The following CTPS2 variants were observed in gnomAD, a reference collection of about 807,000 sequenced individuals.
CTPS2 encodes CTP synthase II.
CTPS2 carries 19 observed loss-of-function variants against 46.8 expected under a neutral mutation model. The ratio of observed to expected loss-of-function variants is 0.41; its 90% CI spans 0.28 to 0.60. The LOEUF (loss-of-function observed/expected upper bound fraction) is 0.60. CTPS2 is among the 20% of genes least tolerant of loss of function. The pLI is 0.35. For missense variants in CTPS2, 286 were observed against 447.6 expected, an observed-to-expected ratio of 0.64 and a Z score of 3.26; for synonymous variants, 151 against 165.2, an observed-to-expected ratio of 0.91 and a Z score of 0.66.
chrX:16,639,497 T>C (rs1156341546), intron 13 of CTPS2, among the ~76,000 whole-genome samples: 1 of 110,723 alleles, frequency 9.0e-6, no homozygotes, highest in Non-Finnish European at 1.9e-5. Flanking sequence ...ATCTTGATGA[T>C]GTCCCTCCTG....
chrX:16,702,675 A>G, intron 2 of CTPS2, 62 bp downstream of exon 2: 1 of 1,057,687 alleles, frequency 9.5e-7, no homozygotes, highest in Non-Finnish European at 1.3e-6. Flanking sequence ...AAATTACCCA[A>G]AATGGAAGAA....
At chrX:16,685,935 T>A (rs1196263445) in intron 8 of CTPS2, among the ~76,000 whole-genome samples, 1 of 107,511 alleles carries the variant, frequency 9.3e-6, no homozygotes, top group Non-Finnish European at 1.9e-5. Context: ...CACCTTGACT[T>A]CGGGTCCCAG....
At chrX:16,705,695 C>G (rs2147389788) in intron 1 of CTPS2, among the ~76,000 whole-genome samples, 1 of 111,324 alleles carries the variant, frequency 9.0e-6, no homozygotes, top group African/African-American at 3.3e-5. Context: ...AGGAGGGTCA[C>G]TTGAGGCCAG....
At chrX:16,641,617 TC>T (rs1932083883) in intron 13 of CTPS2, among the ~76,000 whole-genome samples, 1 of 111,863 alleles carries the variant, frequency 8.9e-6, no homozygotes, top group African/African-American at 3.3e-5. Flanking sequence ...CAGGCTGCAG[TC>T]CCAGCTATTC....
intron 6 of CTPS2, among the ~76,000 whole-genome samples, chrX:16,692,514 T>C (rs1171997290): frequency 1.8e-5 from 2 of 110,986 alleles, no homozygotes; most frequent in Admixed American, 1.9e-4. Context: ...TTATCATTGA[T>C]AGCAGGGTCA....
At chrX:16,597,574 C>T (rs908605336) in intron 17 of CTPS2, among the ~76,000 whole-genome samples, 5 of 111,661 alleles carry the variant, frequency 4.5e-5, no homozygotes, top group African/African-American at 1.6e-4. Context: ...GGTACCAGTA[C>T]CATGTTGTTT....
At chrX:16,695,013 A>G (rs758697223) in intron 4 of CTPS2, among the ~76,000 whole-genome samples, 4 of 110,368 alleles carry the variant, frequency 3.6e-5, no homozygotes, top group Non-Finnish European at 5.7e-5. Context: ...AACAACAACA[A>G]CAACAACAAC....
chrX:16,663,474 A>G (rs1296781238), intron 13 of CTPS2, among the ~76,000 whole-genome samples: 1 of 111,541 alleles, frequency 9.0e-6, no homozygotes, highest in African/African-American at 3.3e-5. Context: ...CGCAATACAT[A>G]TTCATATGTG....
chrX:16,650,963 C>T (rs1298470075), intron 13 of CTPS2: 1 of 1,165,522 alleles, frequency 8.6e-7, no homozygotes, highest in African/African-American at 1.8e-5. Flanking sequence ...TGTACTTCAG[C>T]TTTTTGGTAA....
chrX:16,610,096 T>C (rs992659633), intron 16 of CTPS2, among the ~76,000 whole-genome samples: 1 of 111,421 alleles, frequency 9.0e-6, no homozygotes, highest in African/African-American at 3.3e-5. Context: ...CCAGGGTAAG[T>C]GTCCCCTGGG....
At chrX:16,620,170 G>A in intron 15 of CTPS2, 107 bp downstream of exon 15, 1 of 675,161 alleles carries the variant, frequency 1.5e-6, no homozygotes, top group South Asian at 2.7e-5. Flanking sequence ...TCTGAGCCCT[G>A]TGAATACCAC....
At chrX:16,647,186 T>G (rs762802447) in intron 13 of CTPS2, among the ~76,000 whole-genome samples, 1 of 110,256 alleles carries the variant, frequency 9.1e-6, no homozygotes, top group East Asian at 2.8e-4. Flanking sequence ...CAGGCTGTTT[T>G]TCAAGTTCAA....
intron 10 of CTPS2, among the ~76,000 whole-genome samples, chrX:16,674,185 C>T (rs761019888): frequency 9.5e-4 from 102 of 107,519 alleles, no homozygotes; most frequent in African/African-American, 1.5e-3. Context: ...TGTCTTCAGA[C>T]GAAGTTTCAC....
intron 7 of CTPS2, 95 bp downstream of exon 7, chrX:16,691,445 T>A (rs975711602): frequency 4.1e-6 from 3 of 726,384 alleles, no homozygotes; most frequent in Admixed American, 4.8e-5. Context: ...CTTGCATAAA[T>A]GCCGTGAAAA....
rs766368361 is a variant in CTPS2 at position 16,639,097 on chromosome X, A to T, written c.1393+50T>A. ...CCCAGAGTGCTGGGCACCTGCAGTC[A>T]CATGAGCCACATCCAACATCTTGTA... is the stretch of plus-strand genomic sequence containing the variant. On this transcript the variant is annotated intron_variant, in intron 14 of 18. Coordinates refer to ENST00000359276, the MANE Select transcript of CTPS2 (RefSeq NM_175859.3). 3.0e-4 allele frequency: 300 copies of T among 1,005,004 alleles called. 1 individual carries two copies. In the Middle Eastern group the frequency reaches 0.015, roughly 51 times the overall value. The allele number at this position is 1,005,004 out of a possible 1,213,427, so 82.8% of individuals were successfully genotyped here.
chrX:16,689,818 G>A (rs1043915093), intron 7 of CTPS2, among the ~76,000 whole-genome samples: 2 of 111,653 alleles, frequency 1.8e-5, no homozygotes, highest in South Asian at 3.7e-4. Flanking sequence ...ATGGGAGGCC[G>A]AGGCGGGCAG....
chrX:16,652,745 GT>G (rs201816848), intron 13 of CTPS2, among the ~76,000 whole-genome samples: 2,625 of 111,600 alleles, frequency 0.024, 86 homozygotes, highest in African/African-American at 0.082. Context: ...CTAATGGTAA[GT>G]TCTGAAAGTC....
intron 10 of CTPS2, among the ~76,000 whole-genome samples, chrX:16,675,754 A>T (rs1406762706): frequency 8.9e-6 from 1 of 111,931 alleles, no homozygotes; most frequent in Non-Finnish European, 1.9e-5. Flanking sequence ...CTGTTCTTAA[A>T]TGCAAGTTTC....
chrX:16,704,487 G>T (rs1374211332), intron 1 of CTPS2, among the ~76,000 whole-genome samples: 1 of 112,020 alleles, frequency 8.9e-6, no homozygotes, highest in African/African-American at 3.2e-5. Flanking sequence ...AAGATCAGTG[G>T]TTGTCAGCGG....
Sources: allele counts gnomAD v4.1 joint callset (sites outside exome capture counted in the v4.1 genomes callset), GRCh38; gene constraint gnomAD v4.1.1; transcripts MANE v1.5; gene names NCBI Gene and HGNC (gene_info 2026-07-23, HGNC 2026-07-21).